LCP2: variants seen among roughly 807,000 people sequenced by gnomAD.
The protein encoded by LCP2 is 76 kDa tyrosine phosphoprotein.
Under a neutral mutation model 74.5 loss-of-function variants are expected in LCP2, and 29 were observed. The observed-to-expected ratio is 0.39, with a 90% CI of 0.29 to 0.53. LCP2 has a LOEUF of 0.53. Ranked by LOEUF, LCP2 falls within the 20% of genes least tolerant of loss-of-function variation. LCP2 has a pLI of 0.72. For missense variants in LCP2, 604 were observed against 634.6 expected (o/e 0.95, Z 0.52); for synonymous variants, 228 against 229.5 (o/e 0.99, Z 0.06).
intron 2 of LCP2, among the ~76,000 whole-genome samples, chr5:170,289,576 C>T (rs1762240275): frequency 6.6e-6 from 1 of 151,954 alleles, no homozygotes; most frequent in South Asian, 2.1e-4. Context: ...TTTGGTTAAG[C>T]TTCTTAACTA....
intron 20 of LCP2, among the ~76,000 whole-genome samples, chr5:170,249,959 C>T (rs946306440): frequency 4.6e-5 from 7 of 152,224 alleles, no homozygotes; most frequent in Non-Finnish European, 1.0e-4. Flanking sequence ...CAGCTCTATC[C>T]ACTGCCAACC....
intron 3 of LCP2, among the ~76,000 whole-genome samples, chr5:170,281,612 C>T (rs533071213): frequency 5.9e-5 from 9 of 152,212 alleles, no homozygotes; most frequent in East Asian, 1.9e-4. Flanking sequence ...TTCGCCTCTG[C>T]GTCCCTTCCT....
chr5:170,288,858 G>A (rs1001807874), intron 2 of LCP2, among the ~76,000 whole-genome samples: 3 of 152,174 alleles, frequency 2.0e-5, no homozygotes, highest in Non-Finnish European at 4.4e-5. Flanking sequence ...GGATTATGGG[G>A]GGAAAGGTGA....
intron 3 of LCP2, among the ~76,000 whole-genome samples, chr5:170,278,097 AGTGTCCT>A (rs1370653227): frequency 6.6e-6 from 1 of 150,420 alleles, no homozygotes; most frequent in Admixed American, 6.6e-5. Context: ...GAGCCCCGTT[AGTGTCCT>A]GTGTCCTGGC....
intron 3 of LCP2, among the ~76,000 whole-genome samples, chr5:170,279,274 C>G (rs1232771980): frequency 6.6e-6 from 1 of 152,180 alleles, no homozygotes; most frequent in African/African-American, 2.4e-5. Context: ...TAGGTTCCAG[C>G]CCAGCTGCAT....
chr5:170,284,986 G>A (rs531519091), intron 3 of LCP2, among the ~76,000 whole-genome samples: 1 of 152,218 alleles, frequency 6.6e-6, no homozygotes, highest in East Asian at 1.9e-4. Context: ...CCTGAACTCA[G>A]GTGATCCACC....
rs375473864 is a variant in LCP2 at position 170,271,357 on chromosome 5, T to A, written c.325-440A>T. Among the ~76,000 whole-genome samples the A allele has an allele frequency of 2.0e-5, 3 of 152,078 alleles. No homozygotes were observed. In the East Asian group the frequency reaches 5.8e-4, roughly 29 times the overall value. On this transcript the variant is annotated intron_variant, in intron 6 of 20. Transcript: ENST00000046794. ...CCTGTGCTCAAAAAATGTCCTCTCA[T>A]TATAACCTGGTGCAGCGTTGAAGGC... is the stretch of plus-strand genomic sequence containing the variant.
At chr5:170,261,318 C>G (rs1761646623) in intron 13 of LCP2, among the ~76,000 whole-genome samples, 181 bp from the exon 14 acceptor site, 1 of 152,064 alleles carries the variant, frequency 6.6e-6, no homozygotes, top group Admixed American at 6.6e-5. Context: ...TCTGGTTACT[C>G]CATGTTCTGC....
intron 19 of LCP2, chr5:170,251,645 A>G (rs983840260): frequency 2.2e-6 from 1 of 456,078 alleles, no homozygotes; most frequent in Non-Finnish European, 4.4e-6. Context: ...CTTTTATTGC[A>G]AGTTAATTGA....
intron 19 of LCP2, chr5:170,251,378 G>A (rs1397825402): frequency 9.3e-6 from 2 of 214,836 alleles, no homozygotes; most frequent in East Asian, 2.2e-4. Context: ...TCCTTCATCA[G>A]ACCCTTGAGC....
intron 2 of LCP2, among the ~76,000 whole-genome samples, chr5:170,291,140 AGGG>A: frequency 1.7e-5 from 2 of 115,522 alleles, no homozygotes; most frequent in African/African-American, 6.3e-5. Context: ...GGGGAGGACA[AGGG>A]AAGGGGAGAG....
intron 3 of LCP2, among the ~76,000 whole-genome samples, chr5:170,285,139 A>G (rs1762163012): frequency 6.6e-6 from 1 of 152,124 alleles, no homozygotes; most frequent in Non-Finnish European, 1.5e-5. Context: ...CTTCATGTCT[A>G]CTACTATTTT....
chr5:170,288,950 A>G (rs987692459), intron 2 of LCP2, among the ~76,000 whole-genome samples: 6 of 152,194 alleles, frequency 3.9e-5, no homozygotes, highest in Non-Finnish European at 8.8e-5. Context: ...CTTTCCATAG[A>G]ACCAATGATG....
chr5:170,258,211 C>T, intron 15 of LCP2, 45 bp from the exon 16 acceptor site: 1 of 1,609,182 alleles, frequency 6.2e-7, no homozygotes. Context: ...CAGGCCCCAG[C>T]TGTCACTAAG....
At chr5:170,287,779 G>A (rs1762208147) in intron 3 of LCP2, 191 bp downstream of exon 3, 2 of 622,938 alleles carry the variant, frequency 3.2e-6, no homozygotes, top group Non-Finnish European at 5.8e-6. Flanking sequence ...AGCTGGGCTG[G>A]ATCTGTGACT....
intron 3 of LCP2, among the ~76,000 whole-genome samples, chr5:170,283,319 T>C (rs1287748631): frequency 1.3e-5 from 2 of 152,132 alleles, no homozygotes; most frequent in African/African-American, 4.8e-5. Context: ...AGAAACCATT[T>C]CCCACCCCTA....
intron 17 of LCP2, among the ~76,000 whole-genome samples, chr5:170,254,595 A>G (rs964037339): frequency 6.6e-6 from 1 of 151,648 alleles, no homozygotes; most frequent in Non-Finnish European, 1.5e-5. Context: ...CCCCATCCCC[A>G]TTTTTTTTGC....
intron 2 of LCP2, 64 bp downstream of exon 2, chr5:170,293,246 T>C: frequency 7.9e-6 from 12 of 1,511,444 alleles, no homozygotes; most frequent in Non-Finnish European, 1.0e-5. Context: ...CAGTTGGCCC[T>C]GCAGCCATGG....
Position 170,248,672 on chromosome 5 carries a change from G to T in LCP2, c.*25C>A. 3 of 1,590,766 alleles carry T rather than the reference G, an allele frequency of 1.9e-6. No individual in the cohort carries two copies. The highest frequency in any genetic ancestry group is 2.2e-5 in the South Asian group (2 of 89,982). ...GTGTTGGCAACAGAGGCAGGAGGAC[G>T]GTTCATTTGCTCGGCTATAACTTGC... On this transcript the variant is annotated 3_prime_UTR_variant, in exon 21 of 21. Transcript: ENST00000046794.
Sources: gnomAD v4.1 joint callset for allele counts (sites outside exome capture counted in the v4.1 genomes callset) on GRCh38, gnomAD v4.1.1 for gene constraint, MANE v1.5 for transcripts, NCBI Gene and HGNC (gene_info 2026-07-23, HGNC 2026-07-21) for gene names.